SERTM2: variants seen among roughly 807,000 people sequenced by gnomAD.
SERTM2 encodes the protein serine-rich and transmembrane domain-containing protein 2.
intron 2 of SERTM2, among the ~76,000 whole-genome samples, chrX:111,514,454 G>A (rs1930275601): frequency 8.9e-6 from 1 of 111,777 alleles, no homozygotes; most frequent in African/African-American, 3.2e-5. Flanking sequence ...ACAAAGCATT[G>A]TGGAAATTAG....
intron 2 of SERTM2, among the ~76,000 whole-genome samples, chrX:111,516,829 G>A (rs967519540): frequency 4.5e-5 from 5 of 111,485 alleles, no homozygotes; most frequent in Admixed American, 9.5e-5. Context: ...TAATGTGACC[G>A]TTGGAGCTAT....
intron 2 of SERTM2, among the ~76,000 whole-genome samples, chrX:111,513,991 A>G (rs953364415): frequency 1.5e-4 from 17 of 111,593 alleles, no homozygotes; most frequent in African/African-American, 5.2e-4. Context: ...GACACAAGTG[A>G]ACTTTCTAAA....
At position 111,518,712 on chromosome X, in the gene SERTM2, G is replaced by A; in HGVS notation, c.-146G>A. On this transcript the variant is annotated 5_prime_UTR_variant, in exon 3 of 3. Coordinates refer to ENST00000569275, the MANE Select transcript of SERTM2 (RefSeq NM_001354473.2). ...TAGCATCACCATTTTCTGCTTGTGT[G>A]CTATTGCCTTAGCTCTGAGAGTGAT... 3.4e-6 allele frequency: 1 copy of A among 295,421 alleles called. No individual in the cohort carries two copies. The highest frequency in any genetic ancestry group is 2.7e-5 in the African/African-American group (1 of 36,957). The allele number at this position is 295,421 out of a possible 1,213,427, so 24.3% of individuals were successfully genotyped here.
In SERTM2 at chrX:111,522,101, T is replaced by A. The variant is rs991993017; in HGVS notation, c.*2971T>A. On this transcript the variant is annotated 3_prime_UTR_variant, in exon 3 of 3. Transcript: ENST00000569275. The stretch of plus-strand genomic sequence containing the variant: ...TGCCAAATCTGAAGCTTTGGACTCA[T>A]AACTGAGTTTGACTGCTGCAGATCC... 2 of 111,685 alleles carry A rather than the reference T, an allele frequency of 1.8e-5. No homozygotes were observed. Among genetic ancestry groups the A allele is most frequent in the Admixed American group, 1.9e-4 (2 of 10,506 alleles). 9.2% of individuals were successfully genotyped at this position (111,685 alleles called of 1,213,427 possible). A position where few individuals can be genotyped will look rare whatever the true frequency, so the allele number is the denominator to read the frequency against.
intron 2 of SERTM2, among the ~76,000 whole-genome samples, chrX:111,516,680 G>A (rs1930317793): frequency 9.0e-6 from 1 of 110,890 alleles, no homozygotes; most frequent in South Asian, 3.8e-4. Context: ...AAGTTATTCT[G>A]TATGGGCAAT....
Position 111,521,925 on chromosome X carries a change from T to A in SERTM2, c.*2795T>A, listed in dbSNP as rs1019025902. 8.9e-6 allele frequency: 1 copy of A among 112,161 alleles called. No homozygotes were observed. The highest frequency in any genetic ancestry group is 3.2e-5 in the African/African-American group (1 of 30,860). The allele number at this position is 112,161 out of a possible 1,213,427, so 9.2% of individuals were successfully genotyped here. A position where few individuals can be genotyped will look rare whatever the true frequency, so the allele number is the denominator to read the frequency against. On this transcript the variant is annotated 3_prime_UTR_variant, in exon 3 of 3. Coordinates refer to ENST00000569275, the MANE Select transcript of SERTM2 (RefSeq NM_001354473.2). ...TATGTTTAAAAAGAATCCAATTTTT[T>A]AAAATATATTTTGCATATATTTCAG... is the stretch of plus-strand genomic sequence containing the variant.
chrX:111,519,003 T>C lies in SERTM2; in HGVS notation c.146T>C (p.Leu49Pro). 1 of 297,574 alleles carries C rather than the reference T, an allele frequency of 3.4e-6. No homozygotes were observed. 24.5% of individuals were successfully genotyped at this position (297,574 alleles called of 1,213,427 possible). Reference protein sequence around the residue: ...VGLFLSLLAILLILLFTMLLR... With the variant: ...VGLFLSLLAIPLILLFTMLLR... ...TTATTCCTGAGCCTCCTGGCCATTC[T>C]CCTCATCCTGCTCTTCACAATGCTC... The change falls in exon 3 of 3, where the codon CTC (leucine) becomes CCC (proline). Residue 49 changes from leucine (L) to proline (P), a missense_variant. Leu to Pro is a moderately conservative substitution (Grantham distance 98). Coordinates refer to ENST00000569275, the MANE Select transcript of SERTM2 (RefSeq NM_001354473.2).
chrX:111,513,034 C>T (rs1421038977), intron 2 of SERTM2, among the ~76,000 whole-genome samples: 4 of 108,475 alleles, frequency 3.7e-5, no homozygotes, highest in African/African-American at 1.1e-4. Context: ...ACCAGATGTA[C>T]AAGTTAATAT....
Position 111,518,839 on chromosome X carries a change from C to G in SERTM2, c.-19C>G. 1 of 295,722 alleles carries G rather than the reference C, an allele frequency of 3.4e-6. No homozygotes were observed. Among genetic ancestry groups the G allele is most frequent in the Non-Finnish European group, 5.9e-6 (1 of 169,785 alleles). 24.4% of individuals were successfully genotyped at this position (295,722 alleles called of 1,213,427 possible). ...AGTAGAAATCAAATAGAAACACATA[C>G]TAACTCAAGTCTTGAGTGATGATGG... is the stretch of plus-strand genomic sequence containing the variant. On this transcript the variant is annotated 5_prime_UTR_variant, in exon 3 of 3. Coordinates refer to ENST00000569275, the MANE Select transcript of SERTM2 (RefSeq NM_001354473.2).
chrX:111,520,983 C>A lies in SERTM2; in HGVS notation c.*1853C>A, dbSNP rs1055072912. 9.0e-6 allele frequency: 1 copy of A among 111,594 alleles called. No individual in the cohort carries two copies. The highest frequency in any genetic ancestry group is 1.9e-5 in the Non-Finnish European group (1 of 53,146). 9.2% of individuals were successfully genotyped at this position (111,594 alleles called of 1,213,427 possible). ...CTTCCTCAAGACTGGCAACACCCCC[C>A]CTCCAGAACTTCTTAAGAACACACA... On this transcript the variant is annotated 3_prime_UTR_variant, in exon 3 of 3. Transcript: ENST00000569275.
chrX:111,511,978 G>A lies in SERTM2; in HGVS notation c.-880-20G>A, dbSNP rs778162469. ...AGTCCTGCTTCTTTGGCAAAACAAG[G>A]CTTTCATTCTATGTTCCAGCTATTC... On this transcript the variant is annotated intron_variant, in intron 1 of 2. Coordinates refer to ENST00000569275, the MANE Select transcript of SERTM2 (RefSeq NM_001354473.2). 45 of 294,701 alleles carry A rather than the reference G, an allele frequency of 1.5e-4. No individual in the cohort carries two copies. Among genetic ancestry groups the A allele is most frequent in the Non-Finnish European group, 2.4e-4 (40 of 169,037 alleles). The allele number at this position is 294,701 out of a possible 1,213,427, so 24.3% of individuals were successfully genotyped here.
intron 2 of SERTM2, among the ~76,000 whole-genome samples, chrX:111,512,745 C>T (rs1050934815): frequency 9.0e-5 from 10 of 111,595 alleles, no homozygotes; most frequent in South Asian, 3.8e-4. Flanking sequence ...GAATCCCTCT[C>T]GGGCTTGATT....
chrX:111,513,625 AC>A (rs1255033313), intron 2 of SERTM2, among the ~76,000 whole-genome samples: 2 of 111,528 alleles, frequency 1.8e-5, no homozygotes, highest in Non-Finnish European at 3.8e-5. Flanking sequence ...CAGATATAGG[AC>A]CAGAGTAACA....
Position 111,522,195 on chromosome X carries a change from A to G in SERTM2, c.*3065A>G, listed in dbSNP as rs1347755180. On this transcript the variant is annotated 3_prime_UTR_variant, in exon 3 of 3. Coordinates refer to ENST00000569275, the MANE Select transcript of SERTM2 (RefSeq NM_001354473.2). ...TTTCAATGGTTATATTTAGTAATAC[A>G]TTTTATTCACTTGCATTTGTACAAA... 4 of 112,064 alleles carry G rather than the reference A, an allele frequency of 3.6e-5. No homozygotes were observed. Among genetic ancestry groups the G allele is most frequent in the African/African-American group, 1.3e-4 (4 of 30,852 alleles). The allele number at this position is 112,064 out of a possible 1,213,427, so 9.2% of individuals were successfully genotyped here.
At position 111,516,980 on chromosome X, in the gene SERTM2, TTA is replaced by T. The variant is rs772690043; in HGVS notation, c.-783-1094_-783-1093del. 2.1e-3 allele frequency among the ~76,000 whole-genome samples: 236 copies of T among 111,807 alleles called. 1 individual carries two copies. Among genetic ancestry groups the T allele is most frequent in the Non-Finnish European group, 3.7e-3 (198 of 53,083 alleles). On this transcript the variant is annotated intron_variant, in intron 2 of 2. Transcript: ENST00000569275. ...AGCCACCCATATTCAAAATTCATGT[TTA>T]GAATGGCAAGTTAAATCATTTTGGA...
chrX:111,518,470 A>T lies in SERTM2; in HGVS notation c.-388A>T. On this transcript the variant is annotated 5_prime_UTR_variant, in exon 3 of 3. Coordinates refer to ENST00000569275, the MANE Select transcript of SERTM2 (RefSeq NM_001354473.2). ...GAGCCTTTTCTCCATCTACGAAAAC[A>T]GAGCAAAACACTGATATAATACTCT... 7.4e-6 allele frequency: 1 copy of T among 134,559 alleles called. No homozygotes were observed. Among genetic ancestry groups the T allele is most frequent in the Non-Finnish European group, 1.5e-5 (1 of 67,588 alleles). 11.1% of individuals were successfully genotyped at this position (134,559 alleles called of 1,213,427 possible). A position where few individuals can be genotyped will look rare whatever the true frequency, so the allele number is the denominator to read the frequency against.
In SERTM2 at chrX:111,519,033, G is replaced by A. The variant is rs775338663; in HGVS notation, c.176G>A (p.Arg59Gln). 464 of 295,224 alleles carry A rather than the reference G, an allele frequency of 1.6e-3. 1 individual carries two copies. The highest frequency in any genetic ancestry group is 2.4e-3 in the Non-Finnish European group (408 of 169,739). 24.3% of individuals were successfully genotyped at this position (295,224 alleles called of 1,213,427 possible). ...ATCCTGCTCTTCACAATGCTCCTTC[G>A]GCTCAAACATGTCATCTCGCCCATC... Reference protein sequence around the residue: ...LLILLFTMLLRLKHVISPINS... With the variant: ...LLILLFTMLLQLKHVISPINS... Residue 59 changes from arginine to glutamine, a missense_variant, in exon 3 of 3, where the codon CGG becomes CAG. By Grantham distance (43) the Arg-to-Gln change is conservative. Transcript: ENST00000569275.
intron 2 of SERTM2, among the ~76,000 whole-genome samples, chrX:111,513,363 A>G (rs180775993): frequency 1.8e-5 from 2 of 111,290 alleles, no homozygotes; most frequent in African/African-American, 6.5e-5. Context: ...TTTTACAAAG[A>G]CTAGAAACTG....
intron 2 of SERTM2, among the ~76,000 whole-genome samples, chrX:111,514,280 C>A (rs1408021902): frequency 2.7e-5 from 3 of 111,505 alleles, no homozygotes; most frequent in African/African-American, 6.5e-5. Context: ...TCATCATACC[C>A]ATGCATTTAT....
Sources: gnomAD v4.1 joint callset for allele counts (sites outside exome capture counted in the v4.1 genomes callset) on GRCh38, gnomAD v4.1.1 for gene constraint, MANE v1.5 for transcripts, NCBI Gene and HGNC (gene_info 2026-07-23, HGNC 2026-07-21) for gene names.